CIMIP6: variants seen among roughly 807,000 people sequenced by gnomAD.
The protein encoded by CIMIP6 is ciliary microtubule inner protein 6.
chr2:54,381,797 C>T, the CIMIP6 span: 6 of 1,503,458 alleles, frequency 4.0e-6, no homozygotes, highest in Non-Finnish European at 4.4e-6. Context: ...TGTAAACCAT[C>T]AGACTTTTTC....
the CIMIP6 span, chr2:54,360,673 T>C: frequency 1.1e-5 from 12 of 1,092,708 alleles, no homozygotes; most frequent in African/African-American, 1.6e-5. Flanking sequence ...GAACATACAA[T>C]TTATGTAAAT....
chr2:54,335,151 T>C, the CIMIP6 span: 1 of 703,442 alleles, frequency 1.4e-6, no homozygotes, highest in Non-Finnish European at 2.3e-6. Flanking sequence ...ATCCAATAGT[T>C]AAAAGCAGTA....
chr2:54,342,261 T>G, the CIMIP6 span, among the ~76,000 whole-genome samples: 1 of 152,194 alleles, frequency 6.6e-6, no homozygotes, highest in Admixed American at 6.5e-5. Context: ...GTAATTTTCC[T>G]TAACAACCTC....
At chr2:54,358,938 T>G in the CIMIP6 span, 2 of 1,327,462 alleles carry the variant, frequency 1.5e-6, no homozygotes, top group South Asian at 1.4e-5. Flanking sequence ...TTGTCCTGAC[T>G]TCACAAAATC....
the CIMIP6 span, among the ~76,000 whole-genome samples, chr2:54,380,872 T>C: frequency 1.3e-5 from 2 of 152,218 alleles, no homozygotes; most frequent in Admixed American, 6.5e-5. Flanking sequence ...CCTCTACAGA[T>C]ATTTTCAAAA....
the CIMIP6 span, among the ~76,000 whole-genome samples, chr2:54,347,656 TC>T: frequency 1.3e-5 from 2 of 152,022 alleles, no homozygotes; most frequent in African/African-American, 4.8e-5. Flanking sequence ...TCCCCCAAAA[TC>T]AGGGTCTGTA....
chr2:54,348,379 C>A, the CIMIP6 span, among the ~76,000 whole-genome samples: 1 of 152,162 alleles, frequency 6.6e-6, no homozygotes, highest in Non-Finnish European at 1.5e-5. Context: ...GCTCAAGAAC[C>A]TGGCATGATT....
chr2:54,351,819 C>T, the CIMIP6 span, among the ~76,000 whole-genome samples: 17,706 of 152,100 alleles, frequency 0.12, 1,123 homozygotes, highest in Admixed American at 0.15. Context: ...TCAAATACTT[C>T]AAACATCTTT....
the CIMIP6 span, among the ~76,000 whole-genome samples, chr2:54,382,423 CA>C: frequency 6.6e-6 from 1 of 152,108 alleles, no homozygotes; most frequent in Non-Finnish European, 1.5e-5. Context: ...CGAAAGATTC[CA>C]TTTTTACAGT....
the CIMIP6 span, among the ~76,000 whole-genome samples, chr2:54,342,649 A>G: frequency 1.3e-5 from 2 of 150,380 alleles, no homozygotes; most frequent in Admixed American, 1.3e-4. Context: ...CCCTTTTTGC[A>G]TCAATGTAGC....
chr2:54,359,695 T>C, the CIMIP6 span, among the ~76,000 whole-genome samples: 3 of 152,134 alleles, frequency 2.0e-5, no homozygotes, highest in African/African-American at 7.2e-5. Flanking sequence ...GGGAGATGCA[T>C]GTAAGGTTTA....
the CIMIP6 span, chr2:54,358,959 T>G: frequency 6.7e-7 from 1 of 1,495,526 alleles, no homozygotes; most frequent in Non-Finnish European, 9.0e-7. Context: ...TTTTTTTTAG[T>G]ACCACTTGCC....
At chr2:54,368,242 A>G in the CIMIP6 span, among the ~76,000 whole-genome samples, 1 of 152,152 alleles carries the variant, frequency 6.6e-6, no homozygotes, top group African/African-American at 2.4e-5. Flanking sequence ...GGAGTTGTGG[A>G]TAGTGGGAAG....
the CIMIP6 span, among the ~76,000 whole-genome samples, chr2:54,365,217 G>A: frequency 6.6e-6 from 1 of 152,168 alleles, no homozygotes; most frequent in African/African-American, 2.4e-5. Flanking sequence ...GCTATGCACA[G>A]GAGTGGGGTC....
the CIMIP6 span, among the ~76,000 whole-genome samples, chr2:54,379,134 G>C: frequency 1.1e-4 from 16 of 152,178 alleles, no homozygotes; most frequent in African/African-American, 3.9e-4. Flanking sequence ...CAGTTTCCTA[G>C]CCTGGCTTCA....
chr2:54,372,757 A>G, the CIMIP6 span, among the ~76,000 whole-genome samples: 4,066 of 152,256 alleles, frequency 0.027, 89 homozygotes, highest in Admixed American at 0.077. Context: ...CTTTTTAGCT[A>G]AGGCCCCAGA....
chr2:54,373,484 G>C, the CIMIP6 span, among the ~76,000 whole-genome samples: 1 of 152,168 alleles, frequency 6.6e-6, no homozygotes, highest in Non-Finnish European at 1.5e-5. Context: ...TGTCGCTTTT[G>C]CAACACTTCC....
At chr2:54,350,740 A>G in the CIMIP6 span, among the ~76,000 whole-genome samples, 1 of 152,250 alleles carries the variant, frequency 6.6e-6, no homozygotes, top group Non-Finnish European at 1.5e-5. Context: ...AGTCATTTAA[A>G]TGAGAGTTTA....
the CIMIP6 span, among the ~76,000 whole-genome samples, chr2:54,359,597 C>CAATAATAATAAT: frequency 6.0e-5 from 9 of 149,108 alleles, no homozygotes; most frequent in African/African-American, 2.0e-4. Flanking sequence ...TTTCTAATAA[C>CAATAATAATAAT]AATAATAATA....
Sources: gnomAD v4.1 joint callset for allele counts (sites outside exome capture counted in the v4.1 genomes callset) on GRCh38, gnomAD v4.1.1 for gene constraint, MANE v1.5 for transcripts, NCBI Gene and HGNC (gene_info 2026-07-23, HGNC 2026-07-21) for gene names.